Variants in TMEM164 observed in about 807,000 individuals in gnomAD.
TMEM164 encodes the protein RP13-360B22.2.
Under a neutral mutation model 18.8 loss-of-function variants are expected in TMEM164, and 4 were observed. The ratio of observed to expected loss-of-function variants is 0.21; its 90% CI spans 0.10 to 0.49. The LOEUF (loss-of-function observed/expected upper bound fraction) is 0.49. Among genes scored for constraint, TMEM164 ranks in the 20% least tolerant of loss-of-function variants. TMEM164 has a pLI of 0.98. For synonymous variants in TMEM164, 86 were observed against 101.7 expected, an observed-to-expected ratio of 0.85 and a Z score of 0.93; for missense variants, 108 against 239.9, an observed-to-expected ratio of 0.45 and a Z score of 3.63.
At chrX:110,148,727 T>C (rs1370362469) in intron 5 of TMEM164, among the ~76,000 whole-genome samples, 2 of 99,939 alleles carry the variant, frequency 2.0e-5, no homozygotes, top group African/African-American at 7.4e-5. Flanking sequence ...GGTTTTGCCA[T>C]GTTGCTCAGG....
At chrX:110,095,169 T>C (rs1403045727) in intron 3 of TMEM164, among the ~76,000 whole-genome samples, 1 of 111,640 alleles carries the variant, frequency 9.0e-6, no homozygotes, top group Non-Finnish European at 1.9e-5. Context: ...GGATTTGCTC[T>C]TCTTGAGGAG....
chrX:110,045,622 A>T (rs1935285937), intron 2 of TMEM164, among the ~76,000 whole-genome samples: 2 of 111,925 alleles, frequency 1.8e-5, no homozygotes, highest in African/African-American at 3.3e-5. Context: ...TCTGTCACCT[A>T]GCAGGTAACA....
At chrX:110,126,834 G>A (rs1383287213) in intron 4 of TMEM164, among the ~76,000 whole-genome samples, 1 of 105,284 alleles carries the variant, frequency 9.5e-6, no homozygotes, top group Non-Finnish European at 2.0e-5. Flanking sequence ...GTGTGTGTGT[G>A]TGTGTGTGTG....
At chrX:110,122,612 T>TA (rs902246342) in intron 4 of TMEM164, among the ~76,000 whole-genome samples, 1 of 111,773 alleles carries the variant, frequency 8.9e-6, no homozygotes, top group Non-Finnish European at 1.9e-5. Flanking sequence ...AAATATCTGA[T>TA]AAAAAAAGTT....
chrX:110,088,386 T>A (rs2065882750), intron 3 of TMEM164, among the ~76,000 whole-genome samples: 1 of 112,163 alleles, frequency 8.9e-6, no homozygotes, highest in African/African-American at 3.2e-5. Flanking sequence ...GGCTGCTTTT[T>A]GGCTTAGCGT....
chrX:110,007,174 G>A (rs1221546491), intron 2 of TMEM164, among the ~76,000 whole-genome samples: 1 of 112,406 alleles, frequency 8.9e-6, no homozygotes, highest in Non-Finnish European at 1.9e-5. Flanking sequence ...TAGCCATGCT[G>A]CCTTTGAGTG....
chrX:110,048,194 A>G (rs1569306670), intron 2 of TMEM164, among the ~76,000 whole-genome samples: 2 of 111,073 alleles, frequency 1.8e-5, no homozygotes, highest in African/African-American at 6.6e-5. Context: ...AGTTCCCTGA[A>G]CGCATCTTTG....
chrX:110,122,566 T>TATA (rs2066467522), intron 4 of TMEM164, among the ~76,000 whole-genome samples: 2 of 109,835 alleles, frequency 1.8e-5, no homozygotes, highest in Admixed American at 1.9e-4. Context: ...AAACTTAAAG[T>TATA]ATAATAATAA....
chrX:110,021,983 G>C, intron 2 of TMEM164, among the ~76,000 whole-genome samples: 1 of 111,196 alleles, frequency 9.0e-6, no homozygotes, highest in Non-Finnish European at 1.9e-5. Flanking sequence ...CCTCAACCCT[G>C]GCTGCATCTC....
At chrX:110,092,755 T>C (rs753938269) in intron 3 of TMEM164, among the ~76,000 whole-genome samples, 1 of 111,880 alleles carries the variant, frequency 8.9e-6, no homozygotes, top group African/African-American at 3.3e-5. Context: ...TGTTGAATAG[T>C]AGTGGTGAGA....
At chrX:110,171,312 G>C (rs1247932042) in intron 5 of TMEM164, 108 bp from the exon 6 acceptor site, 8 of 555,216 alleles carry the variant, frequency 1.4e-5, no homozygotes, top group Non-Finnish European at 2.4e-5. Context: ...ATCAGTAAAA[G>C]GAACAGTCAT....
chrX:110,065,826 A>G (rs1423784319), intron 2 of TMEM164, among the ~76,000 whole-genome samples: 1 of 111,998 alleles, frequency 8.9e-6, no homozygotes, highest in African/African-American at 3.2e-5. Context: ...ATGAATATTC[A>G]CCGTAAGTGG....
At chrX:110,088,212 G>A (rs2065880571) in intron 3 of TMEM164, among the ~76,000 whole-genome samples, 1 of 112,088 alleles carries the variant, frequency 8.9e-6, no homozygotes, top group African/African-American at 3.2e-5. Flanking sequence ...GTTTGAACCT[G>A]TTGAGTTTAA....
intron 2 of TMEM164, among the ~76,000 whole-genome samples, chrX:110,042,286 A>G (rs1170913233): frequency 1.8e-5 from 2 of 111,404 alleles, no homozygotes; most frequent in African/African-American, 6.5e-5. Context: ...GGAATCATAT[A>G]ATATTTGTCC....
intron 2 of TMEM164, among the ~76,000 whole-genome samples, chrX:110,066,875 G>A (rs1036137196): frequency 1.8e-5 from 2 of 111,359 alleles, no homozygotes; most frequent in African/African-American, 3.3e-5. Flanking sequence ...ATAAATACAG[G>A]ACATATTTAT....
chrX:110,046,462 A>G (rs1935321045), intron 2 of TMEM164: 1 of 753,213 alleles, frequency 1.3e-6, no homozygotes, highest in South Asian at 6.8e-5. Flanking sequence ...CAGTCACAGA[A>G]ATGGAAACAA....
chrX:110,004,902 C>G (rs763853877), intron 2 of TMEM164, among the ~76,000 whole-genome samples: 3 of 112,338 alleles, frequency 2.7e-5, no homozygotes, highest in Non-Finnish European at 3.8e-5. Flanking sequence ...GATTTCTTTA[C>G]CTCATCGACT....
chrX:110,125,823 G>T (rs1289212252), intron 4 of TMEM164, among the ~76,000 whole-genome samples: 1 of 112,547 alleles, frequency 8.9e-6, no homozygotes, highest in East Asian at 2.8e-4. Context: ...TAAGGTACCT[G>T]ATTTTAACCT....
At chrX:110,093,401 TC>T (rs2065963609) in intron 3 of TMEM164, among the ~76,000 whole-genome samples, 1 of 112,179 alleles carries the variant, frequency 8.9e-6, no homozygotes, top group African/African-American at 3.2e-5. Context: ...TTCAACTTCT[TC>T]CTGGTTTACT....
Sources: gnomAD v4.1 joint callset for allele counts (sites outside exome capture counted in the v4.1 genomes callset) on GRCh38, gnomAD v4.1.1 for gene constraint, MANE v1.5 for transcripts, NCBI Gene and HGNC (gene_info 2026-07-23, HGNC 2026-07-21) for gene names.